Variants in SCLT1 observed in about 807,000 individuals in gnomAD.
SCLT1 encodes the protein sodium channel-associated protein 1.
In SCLT1, 78 loss-of-function variants were observed where a neutral mutation model predicts 112.8. That is an observed-to-expected ratio of 0.69 (90% CI 0.58 to 0.83). SCLT1 has a LOEUF of 0.83. Ranked by LOEUF, SCLT1 falls within the 40% of genes least tolerant of loss-of-function variation. SCLT1 has a pLI of 0.00. For synonymous variants in SCLT1, 257 were observed against 254.7 expected (o/e 1.01, Z -0.09); for missense variants, 747 against 770.4 (o/e 0.97, Z 0.36).
At chr4:128,896,338 C>T (rs318518) in intron 18 of SCLT1, among the ~76,000 whole-genome samples, 78,922 of 151,814 alleles carry the variant, frequency 0.52, 20,958 homozygotes, top group African/African-American at 0.62. Flanking sequence ...TCCAGAGGAA[C>T]GAACAGGCAG....
chr4:129,015,641 C>T (rs1015241640), intron 5 of SCLT1, among the ~76,000 whole-genome samples: 1 of 152,122 alleles, frequency 6.6e-6, no homozygotes, highest in Non-Finnish European at 1.5e-5. Context: ...GGCTTGCTGC[C>T]CCTACCACTT....
intron 1 of SCLT1, among the ~76,000 whole-genome samples, chr4:129,087,031 T>A (rs557695438): frequency 9.2e-4 from 140 of 152,234 alleles, no homozygotes; most frequent in African/African-American, 3.3e-3. Flanking sequence ...GTAAGCCCTA[T>A]GATTGCCCCA....
chr4:128,979,014 A>G (rs1307063775), intron 9 of SCLT1, among the ~76,000 whole-genome samples: 3 of 152,208 alleles, frequency 2.0e-5, no homozygotes, highest in Admixed American at 2.0e-4. Flanking sequence ...AATGTTAATA[A>G]CAACTCCCAA....
chr4:128,928,488 A>C (rs1053150825), intron 18 of SCLT1, among the ~76,000 whole-genome samples: 2 of 152,196 alleles, frequency 1.3e-5, no homozygotes, highest in African/African-American at 4.8e-5. Context: ...TCCCATTAAC[A>C]GATTACATAG....
intron 2 of SCLT1, among the ~76,000 whole-genome samples, chr4:129,068,713 C>T (rs1442592101): frequency 6.6e-6 from 1 of 152,134 alleles, no homozygotes; most frequent in Non-Finnish European, 1.5e-5. Context: ...TTTTCTCCCA[C>T]TCTGTGGATT....
chr4:128,984,339 A>T (rs1179680375), intron 9 of SCLT1, among the ~76,000 whole-genome samples: 1 of 152,056 alleles, frequency 6.6e-6, no homozygotes, highest in Non-Finnish European at 1.5e-5. Flanking sequence ...TTAGAAGCTC[A>T]CTAGATTAGC....
chr4:129,040,455 G>A (rs947159136), intron 4 of SCLT1, among the ~76,000 whole-genome samples: 17 of 152,104 alleles, frequency 1.1e-4, no homozygotes, highest in Non-Finnish European at 2.2e-4. Context: ...CACGATCACA[G>A]CCCACTGCAG....
At chr4:129,022,447 C>T (rs971421166) in intron 5 of SCLT1, among the ~76,000 whole-genome samples, 2 of 152,164 alleles carry the variant, frequency 1.3e-5, no homozygotes, top group Admixed American at 6.5e-5. Flanking sequence ...TAAAGAGGAA[C>T]ATAAATGACT....
intron 5 of SCLT1, among the ~76,000 whole-genome samples, chr4:129,030,835 C>T (rs1414029907): frequency 6.6e-6 from 1 of 152,012 alleles, no homozygotes; most frequent in Admixed American, 6.6e-5. Context: ...CCAACTCAAA[C>T]AAGCCCAGGA....
intron 10 of SCLT1, among the ~76,000 whole-genome samples, chr4:128,967,395 T>C (rs1214837656): frequency 2.6e-5 from 4 of 152,256 alleles, no homozygotes; most frequent in Non-Finnish European, 1.5e-5. Flanking sequence ...CTCAGTTGAA[T>C]GGCACTTCTG....
chr4:128,900,614 T>C (rs1734198682), intron 18 of SCLT1, among the ~76,000 whole-genome samples: 2 of 152,230 alleles, frequency 1.3e-5, no homozygotes, highest in East Asian at 1.9e-4. Flanking sequence ...GACATAGGCA[T>C]GGGCAAGGAC....
chr4:129,037,709 G>A (rs1208410875), intron 5 of SCLT1: 1 of 152,126 alleles, frequency 6.6e-6, no homozygotes, highest in Non-Finnish European at 1.5e-5. Flanking sequence ...TTCTAGAATG[G>A]TTATTGTTTA....
At position 128,930,449 on chromosome 4, in the gene SCLT1, C is replaced by T. The variant is rs61626076; in HGVS notation, c.1829+6206G>A. Among the ~76,000 whole-genome samples, 1,503 of 152,182 alleles carry T rather than the reference C, an allele frequency of 9.9e-3. 28 individuals carry two copies. The highest frequency in any genetic ancestry group is 0.035 in the African/African-American group (1,443 of 41,490). On this transcript the variant is annotated intron_variant, in intron 18 of 20. Transcript: ENST00000281142. ...CACTTCCAATTATTTCATGAGTAAACGCTTGACTCATTAAATTATAAAATA... is the reference window on the plus strand; with the variant it reads ...CACTTCCAATTATTTCATGAGTAAATGCTTGACTCATTAAATTATAAAATA...
intron 15 of SCLT1, 42 bp downstream of exon 15, chr4:128,948,454 G>T: frequency 6.3e-7 from 1 of 1,587,508 alleles, no homozygotes; most frequent in Non-Finnish European, 8.5e-7. Context: ...TTGCATATTT[G>T]CAGTTGGGTT....
chr4:129,039,925 CACACACAA>C (rs1747545650), intron 4 of SCLT1: 14 of 455,550 alleles, frequency 3.1e-5, no homozygotes, highest in South Asian at 1.1e-4. Flanking sequence ...CACACACACA[CACACACAA>C]AACCCTGAAT....
chr4:128,901,852 A>T (rs75428707), intron 18 of SCLT1, among the ~76,000 whole-genome samples: 2,692 of 152,238 alleles, frequency 0.018, 66 homozygotes, highest in African/African-American at 0.056. Flanking sequence ...ACATATATGT[A>T]TAGATATGCA....
At chr4:129,027,943 A>C (rs1165143147) in intron 5 of SCLT1, among the ~76,000 whole-genome samples, 1 of 152,212 alleles carries the variant, frequency 6.6e-6, no homozygotes, top group Non-Finnish European at 1.5e-5. Context: ...CAAAGAGAAT[A>C]AAATACCTAG....
intron 8 of SCLT1, 34 bp from the exon 9 acceptor site, chr4:128,992,271 A>T: frequency 7.5e-7 from 1 of 1,329,614 alleles, no homozygotes; most frequent in Non-Finnish European, 1.1e-6. Context: ...CAGTATTAGA[A>T]TATTTAATAA....
At chr4:129,014,586 C>T (rs1744828314) in intron 5 of SCLT1, among the ~76,000 whole-genome samples, 1 of 152,186 alleles carries the variant, frequency 6.6e-6, no homozygotes, top group Non-Finnish European at 1.5e-5. Flanking sequence ...GACCAATGCT[C>T]AGCTCCTGAC....
Sources: allele counts gnomAD v4.1 joint callset (sites outside exome capture counted in the v4.1 genomes callset), GRCh38; gene constraint gnomAD v4.1.1; transcripts MANE v1.5; gene names NCBI Gene and HGNC (gene_info 2026-07-23, HGNC 2026-07-21).